Variants in C1QTNF3 observed in about 807,000 individuals in gnomAD.
C1QTNF3 encodes the protein C1q and TNF related 3, also known as complement C1q tumor necrosis factor-related protein 3.
A neutral mutation model predicts 32.6 loss-of-function variants in C1QTNF3; 26 were observed. The observed-to-expected ratio is 0.80, with a 90% CI of 0.58 to 1.11. The LOEUF (loss-of-function observed/expected upper bound fraction) is 1.11. Among genes scored for constraint, C1QTNF3 ranks in the 50% least tolerant of loss-of-function variants. C1QTNF3 has a pLI of 0.00. For synonymous variants in C1QTNF3, 155 were observed against 146.0 expected (o/e 1.06, Z -0.44); for missense variants, 362 against 398.2 (o/e 0.91, Z 0.77).
At chr5:34,022,743 T>C (rs1459635513) in intron 5 of C1QTNF3, among the ~76,000 whole-genome samples, 7 of 152,238 alleles carry the variant, frequency 4.6e-5, no homozygotes, top group Non-Finnish European at 5.9e-5. Context: ...TCCTGATCCA[T>C]AAATATTTCC....
chr5:34,033,059 G>A, intron 3 of C1QTNF3: 1 of 431,304 alleles, frequency 2.3e-6, no homozygotes, highest in Non-Finnish European at 4.1e-6. Flanking sequence ...CTTGGATTTG[G>A]TTCTATGAGG....
chr5:34,096,081 G>GCA, the C1QTNF3 span, among the ~76,000 whole-genome samples: 1 of 150,888 alleles, frequency 6.6e-6, no homozygotes, highest in Admixed American at 6.6e-5. Context: ...CTTTGTTTAT[G>GCA]CATGTTCTGA....
At chr5:34,059,467 C>T in the C1QTNF3 span, among the ~76,000 whole-genome samples, 3 of 152,188 alleles carry the variant, frequency 2.0e-5, no homozygotes, top group African/African-American at 7.2e-5. Flanking sequence ...CTGGACAGTC[C>T]AAGATCAAGG....
the C1QTNF3 span, among the ~76,000 whole-genome samples, chr5:34,231,543 A>G: frequency 6.6e-6 from 1 of 152,196 alleles, no homozygotes; most frequent in African/African-American, 2.4e-5. Flanking sequence ...ATGCTCATTC[A>G]TGGAGTGTGT....
the C1QTNF3 span, among the ~76,000 whole-genome samples, chr5:34,084,817 T>TTCA: frequency 2.1e-4 from 24 of 112,690 alleles, no homozygotes; most frequent in African/African-American, 9.4e-4. Context: ...TTGTTTTTTT[T>TTCA]CTGTGCAGAA....
the C1QTNF3 span, among the ~76,000 whole-genome samples, chr5:34,116,656 GCTAT>G: frequency 6.6e-6 from 1 of 151,162 alleles, no homozygotes; most frequent in African/African-American, 2.4e-5. Context: ...GTGCAGAGAT[GCTAT>G]CTCGGCTCAC....
chr5:34,078,277 G>A, the C1QTNF3 span, among the ~76,000 whole-genome samples: 1 of 151,480 alleles, frequency 6.6e-6, no homozygotes, highest in South Asian at 2.1e-4. The surrounding 1 kb of genome is among the most constrained non-coding windows in gnomAD (Gnocchi z 4.0). Flanking sequence ...TGCCTCCACC[G>A]GATACCCAGC....
At chr5:34,132,797 T>C in the C1QTNF3 span, among the ~76,000 whole-genome samples, 3 of 152,180 alleles carry the variant, frequency 2.0e-5, no homozygotes, top group African/African-American at 7.2e-5. Context: ...CCTTTCTCCC[T>C]GGATATGGGC....
chr5:34,203,970 A>G, the C1QTNF3 span, among the ~76,000 whole-genome samples: 70 of 152,262 alleles, frequency 4.6e-4, no homozygotes, highest in South Asian at 0.014. Flanking sequence ...GCAAGAGGAT[A>G]TAACAATTCT....
the C1QTNF3 span, among the ~76,000 whole-genome samples, chr5:34,163,468 T>C: frequency 8.7e-6 from 1 of 115,536 alleles, no homozygotes; most frequent in African/African-American, 3.1e-5. Context: ...TAAAATGTAT[T>C]TTATTATGAT....
intron 4 of C1QTNF3, among the ~76,000 whole-genome samples, chr5:34,027,261 T>G (rs1407204409): frequency 6.6e-6 from 1 of 152,220 alleles, no homozygotes. Context: ...AATAAGTGCT[T>G]TCATATCTTG....
chr5:34,110,553 TA>T, the C1QTNF3 span, among the ~76,000 whole-genome samples: 1 of 151,234 alleles, frequency 6.6e-6, no homozygotes, highest in East Asian at 1.9e-4. Flanking sequence ...ATATATTACT[TA>T]AAATTACAAT....
the C1QTNF3 span, among the ~76,000 whole-genome samples, chr5:34,144,742 G>T: frequency 6.6e-6 from 1 of 152,122 alleles, no homozygotes; most frequent in East Asian, 1.9e-4. Context: ...ATGAAAATAA[G>T]GACAAATCTT....
chr5:34,044,118 C>T (rs1489606783), upstream of C1QTNF3, among the ~76,000 whole-genome samples: 1 of 152,076 alleles, frequency 6.6e-6, no homozygotes, highest in East Asian at 1.9e-4. Context: ...TGGAAAGCAC[C>T]AAACACGTTA....
the C1QTNF3 span, among the ~76,000 whole-genome samples, chr5:34,126,946 T>C: frequency 9.8e-5 from 15 of 152,294 alleles, no homozygotes; most frequent in African/African-American, 3.1e-4. Context: ...ATGATAGTGA[T>C]AGAGTTCTCA....
chr5:34,220,297 A>G, the C1QTNF3 span, among the ~76,000 whole-genome samples: 1 of 152,076 alleles, frequency 6.6e-6, no homozygotes, highest in Non-Finnish European at 1.5e-5. Flanking sequence ...TCAGAAGGAG[A>G]GCAAATGTAA....
At position 34,018,341 on chromosome 5, in the gene C1QTNF3, A is replaced by C. The variant is rs1305290007; in HGVS notation, c.*2242T>G. 6.6e-6 allele frequency among the ~76,000 whole-genome samples: 1 copy of C among 152,190 alleles called. No homozygotes were observed. The highest frequency in any genetic ancestry group is 1.9e-4 in the East Asian group (1 of 5,202). ...ATTATCTTTTCCACAAGCTTTTCTT[A>C]TGCTCTCAGCTAGATACTGTTTCTC... On this transcript the variant is annotated 3_prime_UTR_variant, in exon 6 of 6. Coordinates refer to ENST00000382065, the MANE Select transcript of C1QTNF3 (RefSeq NM_181435.6).
chr5:34,229,916 G>A, the C1QTNF3 span, among the ~76,000 whole-genome samples: 7 of 152,156 alleles, frequency 4.6e-5, no homozygotes, highest in South Asian at 1.2e-3. Context: ...AAGAAAAGGT[G>A]GAGATACTAG....
the C1QTNF3 span, among the ~76,000 whole-genome samples, chr5:34,215,410 T>C: frequency 6.6e-6 from 1 of 152,168 alleles, no homozygotes. Context: ...AATGTAGTTA[T>C]ACTCCTGCTT....
Sources: gnomAD v4.1 joint callset for allele counts (sites outside exome capture counted in the v4.1 genomes callset) on GRCh38, gnomAD v4.1.1 for gene constraint, Gnocchi (gnomAD v3.1) non-coding constraint, MANE v1.5 for transcripts, NCBI Gene and HGNC (gene_info 2026-07-23, HGNC 2026-07-21) for gene names.